ARAP3: variants seen among roughly 807,000 people sequenced by gnomAD.
ARAP3 encodes the protein arf-GAP with Rho-GAP domain, ANK repeat and PH domain-containing protein 3.
ARAP3 carries 82 observed loss-of-function variants against 169.2 expected under a neutral mutation model. The ratio of observed to expected loss-of-function variants is 0.48; its 90% CI spans 0.41 to 0.58. ARAP3 has a LOEUF of 0.58. Ranked by LOEUF, ARAP3 falls within the 20% of genes least tolerant of loss-of-function variation. ARAP3 has a pLI of 0.00. For synonymous variants in ARAP3, 791 were observed against 800.3 expected (o/e 0.99, Z 0.20); for missense variants, 1,764 against 2,018.0 (o/e 0.87, Z 2.41).
At chr5:141,657,188 CAG>C (rs1562403821) in intron 25 of ARAP3, among the ~76,000 whole-genome samples, 3 of 152,302 alleles carry the variant, frequency 2.0e-5, no homozygotes, top group African/African-American at 7.2e-5. Flanking sequence ...AGATGAGACT[CAG>C]AGATCTGAAG....
chr5:141,673,482 AG>A lies in ARAP3; in HGVS notation c.903-13del. The A allele has an allele frequency of 6.2e-7, 1 of 1,614,184 alleles. No homozygotes were observed. The highest frequency in any genetic ancestry group is 8.5e-7 in the Non-Finnish European group (1 of 1,180,040). ...GGAAGACATAGTTTCTGAGGAAGGA[AG>A]GAGCCAAGATCAGTGTTTGAGGTTG... is the stretch of plus-strand genomic sequence containing the variant. On this transcript the variant is annotated splice_polypyrimidine_tract_variant and intron_variant, in intron 5 of 32. Transcript: ENST00000239440.
chr5:141,660,624 T>C (rs1209670401), intron 21 of ARAP3, among the ~76,000 whole-genome samples: 1 of 152,004 alleles, frequency 6.6e-6, no homozygotes, highest in Non-Finnish European at 1.5e-5. Context: ...ATCCCTATAA[T>C]ATAGTATATT....
rs961147100 is a variant in ARAP3 at position 141,654,172 on chromosome 5, T to C, written c.4413A>G (p.Ser1471=). ...RPPEPPPGPP[S]KSSPQARGSL... Reference sequence around the variant, plus strand: ...ACCCCCGTGCCTGGGGACTGCTCTTTGAAGGGGGGCCTGGAGGGGGCTCAG... The same window carrying C: ...ACCCCCGTGCCTGGGGACTGCTCTTCGAAGGGGGGCCTGGAGGGGGCTCAG... The change falls in exon 33 of 33, where the codon TCA becomes TCG. Residue 1471 remains serine, a synonymous_variant. Transcript: ENST00000239440. 1 of 1,613,760 alleles carries C rather than the reference T, an allele frequency of 6.2e-7. No individual in the cohort carries two copies. The highest frequency in any genetic ancestry group is 8.5e-7 in the Non-Finnish European group (1 of 1,179,838).
At chr5:141,666,674 G>T in intron 16 of ARAP3, 31 bp from the exon 17 acceptor site, 1 of 1,211,842 alleles carries the variant, frequency 8.3e-7, no homozygotes, top group Non-Finnish European at 1.1e-6. Flanking sequence ...CAGGAGAAAG[G>T]GGGATGGGGG....
chr5:141,666,688 A>G (rs2099910693), intron 16 of ARAP3, 45 bp from the exon 17 acceptor site: 1 of 1,082,826 alleles, frequency 9.2e-7, no homozygotes, highest in Non-Finnish European at 1.2e-6. Context: ...ATGGGGGAAG[A>G]GACAAGGAAT....
chr5:141,676,567 T>TCAGCAGCGTAGGAC (rs1466481371), intron 4 of ARAP3, among the ~76,000 whole-genome samples: 25 of 152,290 alleles, frequency 1.6e-4, no homozygotes, highest in Middle Eastern at 3.4e-3. Context: ...TTCTAAGTCC[T>TCAGCAGCGTAGGAC]ATCATACTCA....
rs745508533 is a variant in ARAP3, at chr5:141,672,259, G to A, written c.1428C>T (p.Ala476=). ...TCTCGGTTACTGCTTCCTGCAGAGC[G>A]GCCGCCCAGCTCTGCCGAGCACCCC... ...ESGGARQSWA[A]ALQEAVTETL... Residue 476 remains alanine (A), a synonymous_variant, in exon 10 of 33, where the codon GCC becomes GCT. Transcript: ENST00000239440. The surrounding 1 kb of genome is among the most constrained non-coding windows in gnomAD (Gnocchi z 4.9). The A allele has an allele frequency of 1.4e-5, 23 of 1,614,040 alleles. No individual in the cohort carries two copies. Among genetic ancestry groups the A allele is most frequent in the South Asian group, 1.3e-4 (12 of 91,088 alleles).
intron 4 of ARAP3, 81 bp downstream of exon 4, chr5:141,679,464 A>T: frequency 7.3e-7 from 1 of 1,370,022 alleles, no homozygotes; most frequent in Non-Finnish European, 1.0e-6. Context: ...TACTCAATGC[A>T]CATTTGTTGA....
At position 141,662,361 on chromosome 5, in the gene ARAP3, G is replaced by T. The variant is rs190394282; in HGVS notation, c.2801-106C>A. 3.4e-4 allele frequency: 357 copies of T among 1,059,698 alleles called. No homozygotes were observed. The African/African-American group carries it at 4.6e-3, about 14-fold the overall frequency. 65.6% of individuals were successfully genotyped at this position (1,059,698 alleles called of 1,614,324 possible). ...GTGGTATGTGGCTGATGGGGGCATG[G>T]GATTCAGAGAGGAGGAGATCTATGC... On this transcript the variant is annotated intron_variant, in intron 19 of 32. Coordinates refer to ENST00000239440, the MANE Select transcript of ARAP3 (RefSeq NM_022481.6).
At chr5:141,663,522 C>T (rs1303378671) in intron 19 of ARAP3, among the ~76,000 whole-genome samples, 1 of 152,228 alleles carries the variant, frequency 6.6e-6, no homozygotes, top group African/African-American at 2.4e-5. Context: ...CTCCTGACCT[C>T]AGGTGATCCA....
intron 30 of ARAP3, 24 bp downstream of exon 30, chr5:141,655,845 C>T: frequency 6.2e-7 from 1 of 1,614,072 alleles, no homozygotes; most frequent in South Asian, 1.1e-5. Context: ...CAGACCCAGC[C>T]CTCAGCCTTT....
At chr5:141,679,498 C>G in intron 4 of ARAP3, 47 bp downstream of exon 4, 1 of 1,575,390 alleles carries the variant, frequency 6.3e-7, no homozygotes, top group Non-Finnish European at 8.7e-7. Flanking sequence ...TGGCCGCCAC[C>G]GACTCACCTG....
At chr5:141,681,827 C>T (rs1469567776) in intron 1 of ARAP3, among the ~76,000 whole-genome samples, 2 of 152,160 alleles carry the variant, frequency 1.3e-5, no homozygotes, top group Non-Finnish European at 2.9e-5. Context: ...TCCAGCTGGG[C>T]CTCATTCCCA....
At chr5:141,673,197 G>T (rs2099911675) in intron 6 of ARAP3, 64 bp from the exon 7 acceptor site, 12 of 1,607,454 alleles carry the variant, frequency 7.5e-6, no homozygotes, top group Non-Finnish European at 9.4e-6. Flanking sequence ...CAGCCCCTGG[G>T]TCCTGCCCCA....
At chr5:141,674,781 G>A (rs1027303849) in intron 4 of ARAP3, among the ~76,000 whole-genome samples, 1 of 152,116 alleles carries the variant, frequency 6.6e-6, no homozygotes, top group Non-Finnish European at 1.5e-5. Flanking sequence ...TGTCCAAAAC[G>A]TTCTTGACCT....
In ARAP3 at chr5:141,671,600, A is replaced by C. The variant is rs781508140; in HGVS notation, c.1824T>G (p.Pro608=). The C allele has an allele frequency of 6.2e-7, 1 of 1,613,886 alleles. No homozygotes were observed. Among genetic ancestry groups the C allele is most frequent in the South Asian group, 1.1e-5 (1 of 91,064 alleles). Residue 608 remains proline (P), a synonymous_variant, in exon 12 of 33, where the codon CCT becomes CCG. Transcript: ENST00000239440. The surrounding 1 kb of genome is among the most constrained non-coding windows in gnomAD (Gnocchi z 4.9). ...GAAGCTGGCTATGATCTGGGTACTGAGGGTGGGGCTTCCGGAAGAGACCCA... is the reference window on the plus strand; with the variant it reads ...GAAGCTGGCTATGATCTGGGTACTGCGGGTGGGGCTTCCGGAAGAGACCCA... ...YRLGLFRKPH[P]QYPDHSQLLQ...
chr5:141,658,300 C>A, intron 25 of ARAP3, 65 bp downstream of exon 25: 1 of 1,537,170 alleles, frequency 6.5e-7, no homozygotes, highest in South Asian at 1.2e-5. Flanking sequence ...CACTGATGAC[C>A]TTGACCACAC....
In ARAP3 at chr5:141,655,884, G is replaced by A; in HGVS notation, c.3957C>T (p.Ser1319=). 1 of 1,614,022 alleles carries A rather than the reference G, an allele frequency of 6.2e-7. No homozygotes were observed. The highest frequency in any genetic ancestry group is 2.2e-5 in the East Asian group (1 of 44,882). Residue 1319 remains serine (S), a synonymous_variant, in exon 30 of 33, where the codon AGC becomes AGT. Coordinates refer to ENST00000239440, the MANE Select transcript of ARAP3 (RefSeq NM_022481.6). Reference sequence around the variant, plus strand: ...TTCCCCTCACCTGGGCTTTAAGGATGCTGGTGGTCCAATCCCACATTTCAT... The same window carrying A: ...TTCCCCTCACCTGGGCTTTAAGGATACTGGTGGTCCAATCCCACATTTCAT... ...DEDEMWDWTT[S]ILKAQHDDQQ...
intron 4 of ARAP3, among the ~76,000 whole-genome samples, chr5:141,675,639 C>G (rs1247218547): frequency 6.6e-6 from 1 of 151,834 alleles, no homozygotes; most frequent in Non-Finnish European, 1.5e-5. Flanking sequence ...AAGATAATTG[C>G]TTGAACCTGG....
Sources: gnomAD v4.1 joint callset for allele counts (sites outside exome capture counted in the v4.1 genomes callset) on GRCh38, gnomAD v4.1.1 for gene constraint, Gnocchi (gnomAD v3.1) non-coding constraint, MANE v1.5 for transcripts, NCBI Gene and HGNC (gene_info 2026-07-23, HGNC 2026-07-21) for gene names.